The following KIF7 variants were observed in gnomAD, a reference collection of about 807,000 sequenced individuals.
KIF7 encodes kinesin family member 7.
Under a neutral mutation model 135.7 loss-of-function variants are expected in KIF7, and 104 were observed. That is an observed-to-expected ratio of 0.77 (90% CI 0.65 to 0.90). The LOEUF is 0.90. Among genes scored for constraint, KIF7 ranks in the 40% least tolerant of loss-of-function variants. The probability of loss-of-function intolerance (pLI) is 0.00; values close to 1 mark genes in which losing one functional copy is unlikely to be tolerated. For missense variants in KIF7, 2,005 were observed against 1,839.1 expected (o/e 1.09, Z -1.65); for synonymous variants, 883 against 809.4 (o/e 1.09, Z -1.54).
At chr15:89,660,912 G>A in the KIF7 span, among the ~76,000 whole-genome samples, 2 of 152,176 alleles carry the variant, frequency 1.3e-5, no homozygotes, top group Non-Finnish European at 2.9e-5. Context: ...TTATCCTGCA[G>A]CCCTGAAATA....
intron 11 of KIF7, among the ~76,000 whole-genome samples, chr15:89,638,200 G>A (rs2142010254): frequency 8.0e-6 from 1 of 124,392 alleles, no homozygotes; most frequent in East Asian, 2.1e-4. Context: ...GTATCATAAT[G>A]GGCAAAAACT....
intron 1 of KIF7, among the ~76,000 whole-genome samples, chr15:89,620,891 T>C (rs1457893325): frequency 1.3e-5 from 2 of 151,066 alleles, no homozygotes; most frequent in Non-Finnish European, 2.9e-5. Context: ...CCCAGCTAAA[T>C]TTTTTGTATT....
At chr15:89,651,253 C>A (rs1964119110) in intron 2 of KIF7, among the ~76,000 whole-genome samples, 1 of 152,234 alleles carries the variant, frequency 6.6e-6, no homozygotes, top group African/African-American at 2.4e-5. Flanking sequence ...GCATGCACCA[C>A]CACGCCCAGC....
At chr15:89,636,139 G>T (rs552670022) in intron 11 of KIF7, among the ~76,000 whole-genome samples, 1 of 152,078 alleles carries the variant, frequency 6.6e-6, no homozygotes, top group Non-Finnish European at 1.5e-5. Flanking sequence ...GAGAGATTTT[G>T]TCACACCCAG....
chr15:89,635,635 TA>T (rs1310974439), intron 11 of KIF7, among the ~76,000 whole-genome samples: 2 of 151,988 alleles, frequency 1.3e-5, no homozygotes, highest in Non-Finnish European at 1.5e-5. Context: ...GAAAAAAGAA[TA>T]AAAAGAAATG....
the KIF7 span, among the ~76,000 whole-genome samples, chr15:89,661,252 T>C: frequency 1.2e-4 from 18 of 152,328 alleles, no homozygotes; most frequent in African/African-American, 3.8e-4. Context: ...AAATCTCTAG[T>C]GAAAACAAAT....
rs565305401 is a variant in KIF7 at position 89,630,233 on chromosome 15, C to G, written c.3318+54G>C. 4.5e-6 allele frequency: 7 copies of G among 1,546,744 alleles called. No homozygotes were observed. The African/African-American group carries it at 9.5e-5, about 21-fold the overall frequency. ...CGCTGGAGCAGCTGCCATGAGACAC[C>G]TCCCCACACGTGCCGCTGAGGAGGA... On this transcript the variant is annotated intron_variant, in intron 16 of 18. Transcript: ENST00000394412.
chr15:89,658,553 T>C (rs1221162004), upstream of KIF7, among the ~76,000 whole-genome samples: 8 of 151,966 alleles, frequency 5.3e-5, no homozygotes, highest in East Asian at 7.8e-4. Context: ...TAAACCATAC[T>C]TATAAAAATT....
downstream of KIF7, chr15:89,626,039 C>A (rs1963518736): frequency 6.2e-7 from 1 of 1,613,844 alleles, no homozygotes; most frequent in African/African-American, 1.3e-5. Flanking sequence ...AAACACCTTC[C>A]TCTCAGAGCA....
chr15:89,648,413 C>G lies in KIF7; in HGVS notation c.1285G>C (p.Glu429Gln). 8.8e-7 allele frequency: 1 copy of G among 1,130,188 alleles called. No individual in the cohort carries two copies. Among genetic ancestry groups the G allele is most frequent in the South Asian group, 3.9e-5 (1 of 25,910 alleles). The allele number at this position is 1,130,188 out of a possible 1,614,324, so 70.0% of individuals were successfully genotyped here. Reference protein sequence around the residue: ...AYSLLRELQAEPGLPGAAARK... With the variant: ...AYSLLRELQAQPGLPGAAARK... ...GCGGCGGCGCCGGGCAGCCCGGGCT[C>G]GGCCTGCAGCTCGCGCAAGAGGCTG... is the stretch of plus-strand genomic sequence containing the variant. Residue 429 changes from glutamate (E) to glutamine (Q), a missense_variant, in exon 5 of 19, where the codon GAG (glutamate) becomes CAG (glutamine). Physicochemically the swap from Glu to Gln is conservative, Grantham distance 29 (BLOSUM62 2). Transcript: ENST00000394412.
chr15:89,621,099 A>T (rs950804793), intron 1 of KIF7, among the ~76,000 whole-genome samples: 5 of 151,022 alleles, frequency 3.3e-5, no homozygotes, highest in African/African-American at 1.2e-4. Context: ...GTCTCACTGC[A>T]ACCTCCACCT....
chr15:89,630,161 G>T, intron 16 of KIF7, 126 bp downstream of exon 16: 1 of 860,954 alleles, frequency 1.2e-6, no homozygotes. Flanking sequence ...CCCTGCAGAT[G>T]AGTTGGTCCT....
Position 89,631,517 on chromosome 15 carries a change from T to C in KIF7, c.3089A>G (p.Gln1030Arg), listed in dbSNP as rs1257998547. ...TACCTCGGGGGACAGCAGACTCCCC[T>C]GCCTCAGCTTGCCGTCGATCTCCAG... is the stretch of plus-strand genomic sequence containing the variant. ...QRLEIDGKLR[Q>R]GSLLSPEEER... The change falls in exon 15 of 19, where the codon CAG (glutamine) becomes CGG (arginine). Residue 1030 changes from glutamine (Q) to arginine (R), a missense_variant. Gln to Arg is a conservative substitution (Grantham distance 43). Coordinates refer to ENST00000394412, the MANE Select transcript of KIF7 (RefSeq NM_198525.3). 1.3e-6 allele frequency: 2 copies of C among 1,580,558 alleles called. No individual in the cohort carries two copies. The highest frequency in any genetic ancestry group is 1.8e-5 in the Admixed American group (1 of 56,708).
chr15:89,627,040 C>G, downstream of KIF7: 1 of 1,614,170 alleles, frequency 6.2e-7, no homozygotes, highest in South Asian at 1.1e-5. Flanking sequence ...ATCAGCAGAA[C>G]TTATACACGG....
downstream of KIF7, chr15:89,625,254 C>A (rs1393659992): frequency 6.2e-6 from 10 of 1,612,956 alleles, no homozygotes; most frequent in Non-Finnish European, 8.5e-6. Flanking sequence ...AGGCCTGTAC[C>A]CCCACCCACG....
At chr15:89,629,597 C>T (rs1035178404) in intron 16 of KIF7, 24 bp from the exon 17 acceptor site, 3 of 1,601,944 alleles carry the variant, frequency 1.9e-6, no homozygotes, top group Non-Finnish European at 2.5e-6. Context: ...CAGCCAGGCT[C>T]AGCCCTCATC....
chr15:89,626,393 T>C (rs553681632), downstream of KIF7, among the ~76,000 whole-genome samples: 9 of 152,342 alleles, frequency 5.9e-5, no homozygotes, highest in South Asian at 1.9e-3. Flanking sequence ...TAGGCCTGTT[T>C]AGAGCTAGTT....
intron 8 of KIF7, 135 bp from the exon 9 acceptor site, chr15:89,645,586 C>A: frequency 1.2e-6 from 1 of 804,558 alleles, no homozygotes. Flanking sequence ...GGATGTGAGT[C>A]TGGCAGAATC....
chr15:89,652,485 C>T, intron 2 of KIF7, 118 bp downstream of exon 2: 2 of 819,046 alleles, frequency 2.4e-6, no homozygotes, highest in South Asian at 1.9e-5. Context: ...GAAATCGACT[C>T]TTCCTCCCCC....
Sources: allele counts gnomAD v4.1 joint callset (sites outside exome capture counted in the v4.1 genomes callset), GRCh38; gene constraint gnomAD v4.1.1; transcripts MANE v1.5; gene names NCBI Gene and HGNC (gene_info 2026-07-23, HGNC 2026-07-21).